UBASH3B: variants seen among roughly 807,000 people sequenced by gnomAD.
UBASH3B encodes the protein ubiquitin associated and SH3 domain containing B.
UBASH3B carries 37 observed loss-of-function variants against 83.4 expected under a neutral mutation model. That is an observed-to-expected ratio of 0.44 (90% CI 0.34 to 0.58). The LOEUF is 0.58. UBASH3B is among the 20% of genes least tolerant of loss of function. The pLI is 0.01. For synonymous variants in UBASH3B, 304 were observed against 318.3 expected (o/e 0.96, Z 0.48); for missense variants, 657 against 827.2 (o/e 0.79, Z 2.52).
At chr11:122,807,588 A>T (rs4936751) in intron 12 of UBASH3B, among the ~76,000 whole-genome samples, 69,944 of 151,882 alleles carry the variant, frequency 0.46, 17,647 homozygotes, top group African/African-American at 0.64. Context: ...CTTGCTCCTG[A>T]CACTCAGGCT....
chr11:122,714,580 C>T (rs55903243), intron 1 of UBASH3B, among the ~76,000 whole-genome samples: 19,483 of 152,228 alleles, frequency 0.13, 1,402 homozygotes, highest in African/African-American at 0.18. Context: ...CTGGCTCTGA[C>T]TCCTGGTTCT....
chr11:122,770,692 A>G (rs1006790756), intron 1 of UBASH3B, among the ~76,000 whole-genome samples: 1 of 152,138 alleles, frequency 6.6e-6, no homozygotes, highest in Non-Finnish European at 1.5e-5. Context: ...GCTCACTGTC[A>G]CTGTCACCCC....
chr11:122,778,140 CCAAA>C (rs67987747), intron 3 of UBASH3B, among the ~76,000 whole-genome samples: 49,248 of 151,780 alleles, frequency 0.32, 8,790 homozygotes, highest in Non-Finnish European at 0.4. Flanking sequence ...ATATTCAAGA[CCAAA>C]CAAAGTGGTA....
chr11:122,807,982 A>C, intron 12 of UBASH3B, 85 bp from the exon 13 acceptor site: 1 of 1,030,102 alleles, frequency 9.7e-7, no homozygotes, highest in Non-Finnish European at 1.5e-6. Context: ...GCTCCCCTGC[A>C]GAGCATTTAG....
intron 5 of UBASH3B, among the ~76,000 whole-genome samples, chr11:122,786,805 G>A (rs1239180356): frequency 1.3e-5 from 2 of 152,170 alleles, no homozygotes; most frequent in Non-Finnish European, 1.5e-5. Flanking sequence ...AAGGGCATTG[G>A]GGACATGGGT....
intron 3 of UBASH3B, among the ~76,000 whole-genome samples, chr11:122,777,771 A>C (rs868812131): frequency 6.6e-6 from 1 of 152,144 alleles, no homozygotes; most frequent in Admixed American, 6.5e-5. Context: ...ACTCTGTCAC[A>C]CAGGCTGGAG....
At chr11:122,809,457 G>A (rs1445161154) in intron 13 of UBASH3B, among the ~76,000 whole-genome samples, 1 of 152,144 alleles carries the variant, frequency 6.6e-6, no homozygotes, top group Non-Finnish European at 1.5e-5. Flanking sequence ...CTCTTTTTCT[G>A]CCACCCAATT....
intron 1 of UBASH3B, among the ~76,000 whole-genome samples, chr11:122,763,364 A>G (rs1860477539): frequency 6.6e-6 from 1 of 152,136 alleles, no homozygotes; most frequent in Non-Finnish European, 1.5e-5. Context: ...GCCACATAAA[A>G]ACATCGGGAA....
intron 10 of UBASH3B, among the ~76,000 whole-genome samples, chr11:122,799,722 C>T (rs1861219165): frequency 1.3e-5 from 2 of 152,138 alleles, no homozygotes; most frequent in African/African-American, 4.8e-5. Context: ...AAATCTTAAT[C>T]ATCATTTTTT....
chr11:122,731,185 A>G (rs539562012), intron 1 of UBASH3B, among the ~76,000 whole-genome samples: 1 of 152,278 alleles, frequency 6.6e-6, no homozygotes, highest in East Asian at 1.9e-4. Context: ...TTCCATCCTA[A>G]CTAAGCAATT....
At chr11:122,788,884 A>G (rs1861001535) in intron 5 of UBASH3B, among the ~76,000 whole-genome samples, 1 of 152,206 alleles carries the variant, frequency 6.6e-6, no homozygotes, top group Non-Finnish European at 1.5e-5. Context: ...GTATGAAACC[A>G]TTTCTAGCAC....
intron 1 of UBASH3B, among the ~76,000 whole-genome samples, chr11:122,666,070 C>T (rs933863516): frequency 6.6e-6 from 1 of 152,236 alleles, no homozygotes; most frequent in African/African-American, 2.4e-5. Flanking sequence ...GCTGTAGCCT[C>T]TCATGGCAGT....
intron 1 of UBASH3B, among the ~76,000 whole-genome samples, chr11:122,680,806 C>G (rs1180365207): frequency 1.3e-5 from 2 of 152,198 alleles, no homozygotes; most frequent in Non-Finnish European, 2.9e-5. Context: ...GAAAGGAGAA[C>G]CAGAGTCCTG....
At chr11:122,734,487 A>G (rs1292691639) in intron 1 of UBASH3B, among the ~76,000 whole-genome samples, 1 of 152,076 alleles carries the variant, frequency 6.6e-6, no homozygotes, top group Non-Finnish European at 1.5e-5. Context: ...CCAGTATACC[A>G]CTAGGGTGGG....
At chr11:122,679,043 A>G (rs1296875493) in intron 1 of UBASH3B, among the ~76,000 whole-genome samples, 1 of 152,186 alleles carries the variant, frequency 6.6e-6, no homozygotes, top group Non-Finnish European at 1.5e-5. Flanking sequence ...GAGGTACACG[A>G]GGTACTAAGA....
chr11:122,732,828 T>C (rs1299450025), intron 1 of UBASH3B, among the ~76,000 whole-genome samples: 5 of 152,212 alleles, frequency 3.3e-5, no homozygotes, highest in African/African-American at 7.2e-5. Flanking sequence ...GGACAGGCAG[T>C]GTTCTGGATT....
At chr11:122,690,194 A>ATATATCCAATTT (rs1555135507) in intron 1 of UBASH3B, among the ~76,000 whole-genome samples, 2 of 21,292 alleles carry the variant, frequency 9.4e-5, no homozygotes, top group Non-Finnish European at 1.8e-4. Context: ...ATATATATAT[A>ATATATCCAATTT]TATATATATA....
In UBASH3B at chr11:122,796,913, C is replaced by T. The variant is rs914157067; in HGVS notation, c.1237C>T (p.Arg413Cys). ...WLSQCFDAKG[R>C]YIRTNLNMPH... ...TGTCTAACCTCTTTGTTTTTCAGGC[C>T]GCTACATACGCACCAACCTGAACAT... The change falls in exon 9 of 14, where the codon CGC becomes TGC. Residue 413 changes from arginine to cysteine, a missense_variant and splice_region_variant. Arg to Cys is a radical substitution (Grantham distance 180, BLOSUM62 -3). Around this residue, in one of 3 missense-constraint regions of UBASH3B, gnomAD observed 573 missense variants for 739.0 expected, o/e 0.78. Coordinates refer to ENST00000284273, the MANE Select transcript of UBASH3B (RefSeq NM_032873.5). 5.0e-6 allele frequency: 8 copies of T among 1,613,900 alleles called. No homozygotes were observed. Among genetic ancestry groups the T allele is most frequent in the South Asian group, 1.1e-5 (1 of 91,074 alleles).
chr11:122,707,053 A>T (rs1406093350), intron 1 of UBASH3B, among the ~76,000 whole-genome samples: 1 of 152,176 alleles, frequency 6.6e-6, no homozygotes, highest in African/African-American at 2.4e-5. Flanking sequence ...TGATTAAAAC[A>T]TCCTTACTTT....
Sources: allele counts gnomAD v4.1 joint callset (sites outside exome capture counted in the v4.1 genomes callset), GRCh38; gene constraint gnomAD v4.1.1; regional missense constraint gnomAD v4.1.1; transcripts MANE v1.5; gene names NCBI Gene and HGNC (gene_info 2026-07-23, HGNC 2026-07-21).